The following ANK2 variants were observed in gnomAD, a reference collection of about 807,000 sequenced individuals.
ANK2 encodes the protein ankyrin 2.
Under a neutral mutation model 360.5 loss-of-function variants are expected in ANK2, and 83 were observed. That is an observed-to-expected ratio of 0.23 (90% CI 0.19 to 0.28). The LOEUF (loss-of-function observed/expected upper bound fraction) is 0.28, where lower values mean the gene tolerates loss of function less well. Ranked by LOEUF, ANK2 falls within the 10% of genes least tolerant of loss-of-function variation. ANK2 has a pLI of 1.00. For missense variants in ANK2, 4,201 were observed against 4,795.7 expected, an observed-to-expected ratio of 0.88 and a Z score of 3.66; for synonymous variants, 1,740 against 1,759.5, an observed-to-expected ratio of 0.99 and a Z score of 0.28.
chr4:112,826,892 G>A, intron 1 of ANK2: 1 of 1,508,506 alleles, frequency 6.6e-7, no homozygotes, highest in Admixed American at 1.7e-5. Flanking sequence ...CTATGGCAGG[G>A]GTCAACCTTA....
the ANK2 span, among the ~76,000 whole-genome samples, chr4:112,801,911 A>G: frequency 6.6e-6 from 1 of 152,202 alleles, no homozygotes; most frequent in Non-Finnish European, 1.5e-5. Flanking sequence ...GCTACGGTAC[A>G]GAGTATGATT....
At chr4:112,936,571 C>T (rs994734446) in intron 2 of ANK2, among the ~76,000 whole-genome samples, 4 of 152,030 alleles carry the variant, frequency 2.6e-5, no homozygotes, top group Non-Finnish European at 5.9e-5. Context: ...GTCTCGAACT[C>T]CAGACCTCGT....
chr4:112,756,085 A>C, the ANK2 span, among the ~76,000 whole-genome samples: 1 of 151,938 alleles, frequency 6.6e-6, no homozygotes, highest in Admixed American at 6.6e-5. Flanking sequence ...TAAAAATACA[A>C]AAAATTAGCC....
At chr4:113,289,339 C>T (rs1196459158) in intron 20 of ANK2, among the ~76,000 whole-genome samples, 4 of 151,366 alleles carry the variant, frequency 2.6e-5, no homozygotes, top group Non-Finnish European at 5.9e-5. Flanking sequence ...TCAGGACTGG[C>T]TAGGACTATA....
chr4:112,962,225 CT>C (rs1443691810), intron 2 of ANK2, among the ~76,000 whole-genome samples: 2 of 152,044 alleles, frequency 1.3e-5, no homozygotes, highest in Non-Finnish European at 2.9e-5. Flanking sequence ...TCTGCAGTGT[CT>C]ATTGTTCCCG....
chr4:112,819,637 C>T (rs1021307959), intron 1 of ANK2, among the ~76,000 whole-genome samples: 1 of 152,128 alleles, frequency 6.6e-6, no homozygotes, highest in South Asian at 2.1e-4. Flanking sequence ...CCATTCTATT[C>T]CACTGAACTG....
At chr4:113,264,389 A>G (rs2153656457) in intron 13 of ANK2, among the ~76,000 whole-genome samples, 1 of 152,316 alleles carries the variant, frequency 6.6e-6, no homozygotes, top group African/African-American at 2.4e-5. Context: ...TTAGGTTTTT[A>G]GGGTAAAAGA....
rs572881903 is a variant in ANK2, at chr4:113,138,062, C to A, written c.85-36354C>A. Among the ~76,000 whole-genome samples, 8 of 152,190 alleles carry A rather than the reference C, an allele frequency of 5.3e-5. 1 individual carries two copies. In the East Asian group the frequency reaches 9.7e-4, roughly 18 times the overall value. On this transcript the variant is annotated intron_variant, in intron 1 of 45. Transcript: ENST00000357077. Reference sequence around the variant, plus strand: ...TAATTCTCCCATTTTCCAGAGAGAACAAATGATACATATTCAGGGTATTTA... The same window carrying A: ...TAATTCTCCCATTTTCCAGAGAGAAAAAATGATACATATTCAGGGTATTTA...
intron 45 of ANK2, chr4:113,374,656 C>T (rs1204700748): frequency 2.9e-6 from 2 of 686,216 alleles, no homozygotes; most frequent in Admixed American, 5.9e-5. Context: ...TCTGGAAAGC[C>T]AGTATGTAAC....
chr4:112,811,483 T>A, the ANK2 span, among the ~76,000 whole-genome samples: 1 of 152,218 alleles, frequency 6.6e-6, no homozygotes, highest in Non-Finnish European at 1.5e-5. Flanking sequence ...CTTTTTATGA[T>A]ATTAAGATCG....
At chr4:112,878,946 T>C (rs1341949289) in intron 1 of ANK2, among the ~76,000 whole-genome samples, 1 of 152,140 alleles carries the variant, frequency 6.6e-6, no homozygotes, top group Non-Finnish European at 1.5e-5. Context: ...TTTAATGGTA[T>C]ATCTAGGCAC....
At chr4:113,114,688 A>G (rs2094592457) in intron 1 of ANK2, among the ~76,000 whole-genome samples, 1 of 152,236 alleles carries the variant, frequency 6.6e-6, no homozygotes, top group South Asian at 2.1e-4. Context: ...TATTGAGCTC[A>G]TTAAAAGCCA....
chr4:113,138,540 T>C (rs2096526976), intron 1 of ANK2, among the ~76,000 whole-genome samples: 1 of 152,238 alleles, frequency 6.6e-6, no homozygotes, highest in Non-Finnish European at 1.5e-5. Context: ...AGGTTTGTTA[T>C]TGACTGATGA....
chr4:113,322,705 ACAT>A (rs778058739), intron 26 of ANK2, among the ~76,000 whole-genome samples: 13 of 152,236 alleles, frequency 8.5e-5, no homozygotes, highest in Non-Finnish European at 1.8e-4. Context: ...TTTCATAAAA[ACAT>A]GTTGAAGGCA....
the ANK2 span, among the ~76,000 whole-genome samples, chr4:112,760,660 T>C: frequency 6.6e-6 from 1 of 152,044 alleles, no homozygotes; most frequent in South Asian, 2.1e-4. Context: ...TCATTTAGCA[T>C]TAGGTATATC....
At chr4:112,957,708 C>CA in intron 2 of ANK2, among the ~76,000 whole-genome samples, 1 of 151,208 alleles carries the variant, frequency 6.6e-6, no homozygotes, top group East Asian at 2.0e-4. Context: ...CCCCCCACCT[C>CA]CCTCCCGGAC....
rs2094705138 is a variant in ANK2 at position 113,115,782 on chromosome 4, CAT to C, written c.85-58631_85-58630del. Reference sequence around the variant, plus strand: ...TGTCATAAGGGTTAGGATACAAAAACATATCATTTTCTAGGAGAGCATTTTTA... The same window carrying C: ...TGTCATAAGGGTTAGGATACAAAAACATCATTTTCTAGGAGAGCATTTTTA... On this transcript the variant is annotated intron_variant, in intron 1 of 45. Transcript: ENST00000357077. 2.6e-5 allele frequency among the ~76,000 whole-genome samples: 4 copies of C among 152,140 alleles called. No individual in the cohort carries two copies. The South Asian group carries it at 8.3e-4, about 32-fold the overall frequency.
At chr4:113,376,601 ATTAACT>A (rs924478267) in intron 45 of ANK2, among the ~76,000 whole-genome samples, 21 of 152,290 alleles carry the variant, frequency 1.4e-4, no homozygotes, top group African/African-American at 4.1e-4. Flanking sequence ...GCAATAATAA[ATTAACT>A]TTAGCTTACT....
intron 2 of ANK2, among the ~76,000 whole-genome samples, chr4:112,974,068 A>G (rs1478015196): frequency 6.6e-6 from 1 of 152,176 alleles, no homozygotes; most frequent in Non-Finnish European, 1.5e-5. Flanking sequence ...TCTTTGAAAA[A>G]CAATTTAAAT....
Sources: allele counts gnomAD v4.1 joint callset (sites outside exome capture counted in the v4.1 genomes callset), GRCh38; gene constraint gnomAD v4.1.1; transcripts MANE v1.5; gene names NCBI Gene and HGNC (gene_info 2026-07-23, HGNC 2026-07-21).